SEM1: variants seen among roughly 807,000 people sequenced by gnomAD.
SEM1 encodes SEM1 26S proteasome subunit, also known as 26S proteasome complex subunit SEM1.
A neutral mutation model predicts 12.7 loss-of-function variants in SEM1; 3 were observed. The ratio of observed to expected loss-of-function variants is 0.24; its 90% CI spans 0.11 to 0.61. The LOEUF is 0.61. Ranked by LOEUF, SEM1 falls within the 20% of genes least tolerant of loss-of-function variation. The probability of loss-of-function intolerance (pLI) is 0.88; values close to 1 mark genes in which losing one functional copy is unlikely to be tolerated. For missense variants in SEM1, 59 were observed against 81.3 expected, an observed-to-expected ratio of 0.73 and a Z score of 1.06; for synonymous variants, 30 against 27.8, an observed-to-expected ratio of 1.08 and a Z score of -0.25.
chr7:96,685,180 GA>G (rs1789725136), downstream of SEM1, among the ~76,000 whole-genome samples: 1 of 152,184 alleles, frequency 6.6e-6, no homozygotes, highest in Admixed American at 6.5e-5. Context: ...TTTCAAAAGG[GA>G]CTTGGCTCAT....
intron 2 of SEM1, among the ~76,000 whole-genome samples, chr7:96,525,531 A>C (rs1804429549): frequency 6.6e-6 from 1 of 152,182 alleles, no homozygotes; most frequent in African/African-American, 2.4e-5. Context: ...TGTTCAACTC[A>C]GATTTTTAAG....
At chr7:96,585,642 G>C (rs527712954) in intron 2 of SEM1, among the ~76,000 whole-genome samples, 2 of 152,246 alleles carry the variant, frequency 1.3e-5, no homozygotes, top group African/African-American at 2.4e-5. Flanking sequence ...AGGACCCTCC[G>C]AGCCAGGTGC....
chr7:96,704,310 G>A (rs2116021836), intron 1 of SEM1, among the ~76,000 whole-genome samples: 2 of 152,090 alleles, frequency 1.3e-5, no homozygotes, highest in Non-Finnish European at 2.9e-5. Context: ...TAACTTTTTT[G>A]GGGAATTGTA....
chr7:96,502,377 A>C (rs759816820), intron 3 of SEM1, among the ~76,000 whole-genome samples: 1 of 152,038 alleles, frequency 6.6e-6, no homozygotes, highest in Non-Finnish European at 1.5e-5. Context: ...TTTGCTGTGG[A>C]TAGGTAGTGG....
Position 96,622,856 on chromosome 7 carries a change from T to C in SEM1, c.171-213A>G. The C allele has an allele frequency of 7.7e-6, 4 of 521,564 alleles. No homozygotes were observed. In the South Asian group the frequency reaches 9.0e-5, roughly 12 times the overall value. 32.3% of individuals were successfully genotyped at this position (521,564 alleles called of 1,614,324 possible). A position where few individuals can be genotyped will look rare whatever the true frequency, so the allele number is the denominator to read the frequency against. Reference sequence around the variant, plus strand: ...ACATAAATACAGACATTTCAAAAGGTGAAATTCTAGCCACAGTGAGCTCTG... The same window carrying C: ...ACATAAATACAGACATTTCAAAAGGCGAAATTCTAGCCACAGTGAGCTCTG... On this transcript the variant is annotated intron_variant, in intron 2 of 2. Coordinates refer to the SEM1 transcript ENST00000417009.
intron 2 of SEM1, among the ~76,000 whole-genome samples, chr7:96,560,818 T>C (rs1015270390): frequency 6.6e-6 from 1 of 152,170 alleles, no homozygotes; most frequent in Non-Finnish European, 1.5e-5. Context: ...TGTTGAATAA[T>C]TTATCATTTT....
chr7:96,703,084 G>A (rs184853809), intron 1 of SEM1, among the ~76,000 whole-genome samples: 1 of 152,170 alleles, frequency 6.6e-6, no homozygotes, highest in Non-Finnish European at 1.5e-5. Context: ...AGATCATACA[G>A]GTTGAGTATC....
At chr7:96,594,421 T>C (rs1311582923) in intron 2 of SEM1, among the ~76,000 whole-genome samples, 1 of 152,088 alleles carries the variant, frequency 6.6e-6, no homozygotes, top group Non-Finnish European at 1.5e-5. Flanking sequence ...AAAAAAAAAT[T>C]AGCTTGAAGC....
chr7:96,618,693 T>A (rs1481074226), downstream of SEM1, among the ~76,000 whole-genome samples: 2 of 152,158 alleles, frequency 1.3e-5, no homozygotes, highest in Non-Finnish European at 2.9e-5. Context: ...TTACACTTAT[T>A]TTGTATTTCC....
At chr7:96,614,634 T>G (rs10258890) in intron 2 of SEM1, among the ~76,000 whole-genome samples, 2 of 152,028 alleles carry the variant, frequency 1.3e-5, no homozygotes, top group African/African-American at 4.8e-5. Flanking sequence ...CCTTAGCTCC[T>G]GGTGTAACAT....
chr7:96,601,237 T>A (rs981797236), intron 2 of SEM1, among the ~76,000 whole-genome samples: 14 of 152,200 alleles, frequency 9.2e-5, no homozygotes, highest in African/African-American at 3.4e-4. Context: ...CAGACAAAGC[T>A]GCATTCATGG....
At chr7:96,689,472 T>C (rs983726909) in intron 2 of SEM1, among the ~76,000 whole-genome samples, 5 of 152,186 alleles carry the variant, frequency 3.3e-5, no homozygotes, top group East Asian at 3.8e-4. Flanking sequence ...CTAACCTTAT[T>C]TGCCACAATT....
intron 2 of SEM1, chr7:96,673,928 C>A: frequency 1.4e-6 from 1 of 738,836 alleles, no homozygotes; most frequent in Non-Finnish European, 2.5e-6. Context: ...GCTGCTTGAC[C>A]ACAGCATAAG....
chr7:96,572,202 A>G (rs1052329354), intron 2 of SEM1, among the ~76,000 whole-genome samples: 1 of 151,986 alleles, frequency 6.6e-6, no homozygotes, highest in Non-Finnish European at 1.5e-5. Context: ...CTAACCATCT[A>G]TCTGTTGTGT....
chr7:96,529,359 A>T (rs1804572401), intron 2 of SEM1, among the ~76,000 whole-genome samples: 1 of 152,172 alleles, frequency 6.6e-6, no homozygotes, highest in African/African-American at 2.4e-5. Flanking sequence ...TTCATACCAT[A>T]TCAAAAGTAG....
At chr7:96,656,904 A>C (rs1468566160) in intron 2 of SEM1, among the ~76,000 whole-genome samples, 15 of 151,526 alleles carry the variant, frequency 9.9e-5, no homozygotes, top group Admixed American at 1.3e-4. Context: ...TATATAAAAT[A>C]AGTTGGGCTT....
chr7:96,632,782 TTG>T (rs1808309719), intron 2 of SEM1, among the ~76,000 whole-genome samples: 1 of 125,738 alleles, frequency 8.0e-6, no homozygotes, highest in African/African-American at 2.7e-5. Flanking sequence ...TTGTTGTTTT[TTG>T]TTTTTTTTTT....
intron 2 of SEM1, among the ~76,000 whole-genome samples, chr7:96,579,377 A>C (rs993640296): frequency 2.6e-5 from 4 of 152,210 alleles, no homozygotes; most frequent in African/African-American, 9.6e-5. Context: ...CTGTTTCACC[A>C]TTTGGTTCTT....
intron 2 of SEM1, among the ~76,000 whole-genome samples, chr7:96,572,158 A>G (rs1448204167): frequency 6.6e-6 from 1 of 151,854 alleles, no homozygotes; most frequent in East Asian, 1.9e-4. Context: ...TATTGTGTCT[A>G]TTTGATTCTT....
Sources: gnomAD v4.1 joint callset for allele counts (sites outside exome capture counted in the v4.1 genomes callset) on GRCh38, gnomAD v4.1.1 for gene constraint, MANE v1.5 for transcripts, NCBI Gene and HGNC (gene_info 2026-07-23, HGNC 2026-07-21) for gene names.